FAM110B: variants seen among roughly 807,000 people sequenced by gnomAD.
FAM110B encodes the protein family with sequence similarity 110 member B.
In FAM110B, 6 loss-of-function variants were observed where a neutral mutation model predicts 20.4. The ratio of observed to expected loss-of-function variants is 0.29; its 90% CI spans 0.16 to 0.58. The LOEUF (loss-of-function observed/expected upper bound fraction) is 0.58, where lower values mean the gene tolerates loss of function less well. Ranked by LOEUF, FAM110B falls within the 20% of genes least tolerant of loss-of-function variation. The pLI, the probability that FAM110B is intolerant of heterozygous loss-of-function variation, is 0.90. For missense variants in FAM110B, 434 were observed against 498.2 expected (o/e 0.87, Z 1.23); for synonymous variants, 226 against 214.1 (o/e 1.06, Z -0.49).
chr8:58,041,321 G>T (rs1056696392), intron 2 of FAM110B, among the ~76,000 whole-genome samples: 1 of 152,110 alleles, frequency 6.6e-6, no homozygotes, highest in Non-Finnish European at 1.5e-5. Context: ...CGCAGTGTTC[G>T]TTCCAGCAAG....
At chr8:58,132,303 C>G (rs1803493368) in intron 3 of FAM110B, among the ~76,000 whole-genome samples, 1 of 152,184 alleles carries the variant, frequency 6.6e-6, no homozygotes, top group African/African-American at 2.4e-5. Flanking sequence ...TAGGTACACA[C>G]TCTTCCACCG....
At chr8:58,111,914 T>C (rs1346711207) in intron 3 of FAM110B, among the ~76,000 whole-genome samples, 1 of 152,250 alleles carries the variant, frequency 6.6e-6, no homozygotes, top group South Asian at 2.1e-4. Flanking sequence ...ACCCAATGTA[T>C]ATTCATAGTT....
At chr8:58,126,330 A>C (rs1807502680) in intron 3 of FAM110B, among the ~76,000 whole-genome samples, 1 of 152,176 alleles carries the variant, frequency 6.6e-6, no homozygotes, top group African/African-American at 2.4e-5. Context: ...TCTAGTTTGG[A>C]GCTATTACAA....
chr8:58,056,796 T>C (rs1317707878), intron 2 of FAM110B, among the ~76,000 whole-genome samples: 1 of 152,184 alleles, frequency 6.6e-6, no homozygotes, highest in African/African-American at 2.4e-5. Flanking sequence ...TGTTCCAGTA[T>C]GGTAATGGTG....
chr8:58,006,923 A>ATATATATATATATATATTTTTT, intron 1 of FAM110B, among the ~76,000 whole-genome samples: 1 of 126,514 alleles, frequency 7.9e-6, no homozygotes, highest in African/African-American at 3.0e-5. Context: ...ATATATATAT[A>ATATATATATATATATATTTTTT]TTTTTCCAAA....
At chr8:58,131,703 G>A (rs1381740739) in intron 3 of FAM110B, among the ~76,000 whole-genome samples, 1 of 152,172 alleles carries the variant, frequency 6.6e-6, no homozygotes, top group African/African-American at 2.4e-5. Context: ...TTGATTAATT[G>A]ATTGATTGCC....
chr8:58,118,209 C>G (rs1807264469), intron 3 of FAM110B, among the ~76,000 whole-genome samples: 1 of 152,152 alleles, frequency 6.6e-6, no homozygotes, highest in Non-Finnish European at 1.5e-5. Context: ...CTCCTTTCTC[C>G]ACTGACCTTG....
rs78169343 is a variant in FAM110B, at chr8:58,008,974, C to G, written c.-512+14168C>G. ...TTCTGGGTACCCCTCCACCTTAGTTCAGGCCTTGGTCATCTTTTCCTTCCT... is the reference window on the plus strand; with the variant it reads ...TTCTGGGTACCCCTCCACCTTAGTTGAGGCCTTGGTCATCTTTTCCTTCCT... On this transcript the variant is annotated intron_variant, in intron 1 of 3. Coordinates refer to ENST00000519262, the MANE Select transcript of FAM110B (RefSeq NM_001377989.1). Among the ~76,000 whole-genome samples, 64 of 152,320 alleles carry G rather than the reference C, an allele frequency of 4.2e-4. No homozygotes were observed. In the East Asian group the frequency reaches 4.8e-3, roughly 11 times the overall value.
At chr8:58,042,305 C>G (rs2150577175) in intron 2 of FAM110B, among the ~76,000 whole-genome samples, 1 of 152,310 alleles carries the variant, frequency 6.6e-6, no homozygotes, top group South Asian at 2.1e-4. Context: ...AGGGTTTGGG[C>G]ACCACTTCCT....
At chr8:58,027,408 A>C (rs1804875496) in intron 1 of FAM110B, among the ~76,000 whole-genome samples, 1 of 149,690 alleles carries the variant, frequency 6.7e-6, no homozygotes, top group African/African-American at 2.5e-5. Flanking sequence ...GAATATTAAA[A>C]GATGGGAACA....
At chr8:58,111,039 A>G (rs945909644) in intron 3 of FAM110B, among the ~76,000 whole-genome samples, 24 of 152,210 alleles carry the variant, frequency 1.6e-4, no homozygotes, top group African/African-American at 5.3e-4. Context: ...TTGTTTGTTC[A>G]TTATAGTAAT....
At chr8:58,117,562 G>C (rs1807245699) in intron 3 of FAM110B, among the ~76,000 whole-genome samples, 1 of 152,192 alleles carries the variant, frequency 6.6e-6, no homozygotes, top group Non-Finnish European at 1.5e-5. Flanking sequence ...AGCTAAGGTA[G>C]AGCGAGGGTT....
intron 1 of FAM110B, among the ~76,000 whole-genome samples, chr8:58,010,031 G>A (rs1002199468): frequency 1.3e-5 from 2 of 152,064 alleles, no homozygotes; most frequent in Non-Finnish European, 2.9e-5. Flanking sequence ...GTGAAACTCG[G>A]TTTGAGACAG....
intron 1 of FAM110B, among the ~76,000 whole-genome samples, chr8:58,013,387 C>T (rs1585810945): frequency 6.6e-6 from 1 of 152,316 alleles, no homozygotes; most frequent in East Asian, 1.9e-4. Flanking sequence ...TGTCCTGTCT[C>T]TGGCAGTAGT....
intron 3 of FAM110B, among the ~76,000 whole-genome samples, chr8:58,114,120 A>T (rs1414837541): frequency 3.9e-5 from 6 of 152,138 alleles, no homozygotes; most frequent in Non-Finnish European, 8.8e-5. Flanking sequence ...CTCAAGGGCT[A>T]ATATTTGTGC....
chr8:58,004,001 A>G (rs150026882), intron 1 of FAM110B, among the ~76,000 whole-genome samples: 2,411 of 149,712 alleles, frequency 0.016, 63 homozygotes, highest in African/African-American at 0.054. Context: ...ACCAGGGACC[A>G]GTTTTGTGGA....
intron 3 of FAM110B, among the ~76,000 whole-genome samples, chr8:58,097,723 G>C (rs911792474): frequency 3.3e-5 from 5 of 152,126 alleles, no homozygotes; most frequent in African/African-American, 1.2e-4. Context: ...CTTTGGATGG[G>C]GTTTTGGTAT....
At chr8:58,052,031 G>T (rs1805455432) in intron 2 of FAM110B, among the ~76,000 whole-genome samples, 1 of 152,166 alleles carries the variant, frequency 6.6e-6, no homozygotes, top group Non-Finnish European at 1.5e-5. Flanking sequence ...CTTAAAGTCA[G>T]TATTCAAAGA....
At chr8:58,076,555 C>T (rs924176604) in intron 3 of FAM110B, among the ~76,000 whole-genome samples, 1 of 152,180 alleles carries the variant, frequency 6.6e-6, no homozygotes, top group South Asian at 2.1e-4. Context: ...ACATTTTTTC[C>T]AGGTCTCTTC....
Sources: allele counts gnomAD v4.1 joint callset (sites outside exome capture counted in the v4.1 genomes callset), GRCh38; gene constraint gnomAD v4.1.1; transcripts MANE v1.5; gene names NCBI Gene and HGNC (gene_info 2026-07-23, HGNC 2026-07-21).